The following RYR2 variants were observed in gnomAD, a reference collection of about 807,000 sequenced individuals.
The protein encoded by RYR2 is cardiac muscle ryanodine receptor-calcium release channel.
Under a neutral mutation model 601.1 loss-of-function variants are expected in RYR2, and 227 were observed. The observed-to-expected ratio is 0.38, with a 90% CI of 0.34 to 0.42. RYR2 has a LOEUF of 0.42. RYR2 is among the 10% of genes least tolerant of loss of function. The probability of loss-of-function intolerance (pLI) is 1.00; values close to 1 mark genes in which losing one functional copy is unlikely to be tolerated. For synonymous variants in RYR2, 2,223 were observed against 2,175.1 expected (o/e 1.02, Z -0.61); for missense variants, 4,646 against 6,156.5 (o/e 0.75, Z 8.21).
At chr1:237,696,607 A>C (rs1687464587) in intron 63 of RYR2, among the ~76,000 whole-genome samples, 1 of 148,140 alleles carries the variant, frequency 6.8e-6, no homozygotes. Flanking sequence ...GGCCCATCAC[A>C]CTTAATATGT....
chr1:237,380,210 G>A lies in RYR2; in HGVS notation c.576+2775G>A, dbSNP rs187314063. ...CTTATTTGGAGGACTCAGTGAAAAG[G>A]ATCTAGAGAAACTGAAAGATCAAGA... On this transcript the variant is annotated intron_variant, in intron 8 of 104. Coordinates refer to ENST00000366574, the MANE Select transcript of RYR2 (RefSeq NM_001035.3). Among the ~76,000 whole-genome samples the A allele has an allele frequency of 3.8e-3, 575 of 151,028 alleles. 2 individuals are homozygous for A. The highest frequency in any genetic ancestry group is 6.1e-3 in the Non-Finnish European group (412 of 67,746).
chr1:237,488,340 A>G (rs1206152020), intron 17 of RYR2, among the ~76,000 whole-genome samples: 2 of 152,166 alleles, frequency 1.3e-5, no homozygotes, highest in African/African-American at 4.8e-5. Flanking sequence ...GTCCAAGATC[A>G]AGGCTCCTGC....
At chr1:237,638,799 C>T (rs1394916721) in intron 45 of RYR2, among the ~76,000 whole-genome samples, 2 of 152,008 alleles carry the variant, frequency 1.3e-5, no homozygotes, top group Non-Finnish European at 2.9e-5. Flanking sequence ...ATAGTTTATG[C>T]CTCCATAATG....
intron 82 of RYR2, among the ~76,000 whole-genome samples, chr1:237,758,089 A>T (rs983243423): frequency 6.6e-6 from 1 of 152,168 alleles, no homozygotes; most frequent in Non-Finnish European, 1.5e-5. Flanking sequence ...TGGTTATGGA[A>T]CCTGGCAGGG....
chr1:237,331,755 C>A (rs1572630101), intron 3 of RYR2, among the ~76,000 whole-genome samples: 1 of 151,704 alleles, frequency 6.6e-6, no homozygotes, highest in East Asian at 1.9e-4. Context: ...ACCTCGTGAT[C>A]TGCCCACCTT....
intron 1 of RYR2, among the ~76,000 whole-genome samples, chr1:237,182,426 G>A (rs2148959139): frequency 6.6e-6 from 1 of 152,080 alleles, no homozygotes; most frequent in East Asian, 1.9e-4. Flanking sequence ...AGCTCCCTGG[G>A]GCTTCTTTTT....
chr1:237,571,766 T>A (rs1672728572), intron 29 of RYR2, among the ~76,000 whole-genome samples: 1 of 152,234 alleles, frequency 6.6e-6, no homozygotes, highest in South Asian at 2.1e-4. Context: ...ATAATAGGAA[T>A]TTTACATTTG....
At chr1:237,665,716 T>A (rs145699595) in intron 56 of RYR2, among the ~76,000 whole-genome samples, 11 of 152,350 alleles carry the variant, frequency 7.2e-5, no homozygotes, top group Middle Eastern at 6.8e-3. Context: ...CATGAGCCTG[T>A]TATTAGTTAT....
intron 14 of RYR2, among the ~76,000 whole-genome samples, chr1:237,451,978 GTA>G (rs57285965): frequency 0.52 from 77,367 of 149,210 alleles, 21,455 homozygotes; most frequent in East Asian, 0.74. Context: ...TACTGTGTGT[GTA>G]TGTGTGTTTG....
chr1:237,475,127 G>A (rs1051873168), intron 17 of RYR2, among the ~76,000 whole-genome samples: 2 of 152,092 alleles, frequency 1.3e-5, no homozygotes, highest in East Asian at 3.9e-4. Context: ...TAACATTATT[G>A]TCCTGTTTAA....
At chr1:237,261,665 G>A (rs147313342) in intron 1 of RYR2, among the ~76,000 whole-genome samples, 7,443 of 152,218 alleles carry the variant, frequency 0.049, 650 homozygotes, top group African/African-American at 0.17. Context: ...GGAGGCCGAG[G>A]TGGGCAGATC....
intron 44 of RYR2, among the ~76,000 whole-genome samples, chr1:237,637,118 T>G (rs1227772353): frequency 6.6e-6 from 1 of 152,202 alleles, no homozygotes; most frequent in Non-Finnish European, 1.5e-5. Flanking sequence ...TTCTCACAGA[T>G]GTCTACATCT....
At chr1:237,177,364 T>G (rs1449578184) in intron 1 of RYR2, among the ~76,000 whole-genome samples, 3 of 152,212 alleles carry the variant, frequency 2.0e-5, no homozygotes, top group African/African-American at 7.2e-5. Flanking sequence ...ACTTCCCAAT[T>G]TAAGAAGCAT....
chr1:237,118,497 A>G (rs1670389406), intron 1 of RYR2, among the ~76,000 whole-genome samples: 1 of 152,014 alleles, frequency 6.6e-6, no homozygotes, highest in Non-Finnish European at 1.5e-5. Flanking sequence ...CTCAGTAGCT[A>G]TTCAGAAATA....
rs181791621 is a variant in RYR2, at chr1:237,128,813, G to A, written c.48+86244G>A. Among the ~76,000 whole-genome samples the A allele has an allele frequency of 2.9e-3, 435 of 152,282 alleles. 6 individuals carry two copies. The highest frequency in any genetic ancestry group is 0.01 in the African/African-American group (419 of 41,552). On this transcript the variant is annotated intron_variant, in intron 1 of 104. Transcript: ENST00000366574. ...GAATGGTAGTAGCTGGCATCAGGAT[G>A]CTAGCAGGAGAGGTGGAGAAAAGAG...
At chr1:237,739,377 C>G (rs1197228834) in intron 79 of RYR2, among the ~76,000 whole-genome samples, 1 of 152,112 alleles carries the variant, frequency 6.6e-6, no homozygotes, top group Non-Finnish European at 1.5e-5. Context: ...CTACCCTGCT[C>G]GATTCCTTAG....
At chr1:237,613,989 T>A (rs778027420) in intron 36 of RYR2, 50 bp from the exon 37 acceptor site, 3 of 1,534,722 alleles carry the variant, frequency 2.0e-6, no homozygotes, top group East Asian at 2.3e-5. Flanking sequence ...ATTCAGATTT[T>A]AAAAAATCAT....
At chr1:237,493,198 T>G in intron 19 of RYR2, 111 bp downstream of exon 19, 1 of 1,190,362 alleles carries the variant, frequency 8.4e-7, no homozygotes, top group Non-Finnish European at 1.2e-6. Flanking sequence ...CCATATAGTA[T>G]TATTTTCTGT....
chr1:237,136,650 C>T (rs190626687), intron 1 of RYR2, among the ~76,000 whole-genome samples: 1 of 152,256 alleles, frequency 6.6e-6, no homozygotes, highest in Admixed American at 6.5e-5. Flanking sequence ...TTTTCCTGTT[C>T]AAGCATACTA....
Sources: allele counts gnomAD v4.1 joint callset (sites outside exome capture counted in the v4.1 genomes callset), GRCh38; gene constraint gnomAD v4.1.1; transcripts MANE v1.5; gene names NCBI Gene and HGNC (gene_info 2026-07-23, HGNC 2026-07-21).